Variants in GMDS observed in about 807,000 individuals in gnomAD.
GMDS encodes the protein GDP-mannose 4,6 dehydratase.
GMDS carries 20 observed loss-of-function variants against 49.9 expected under a neutral mutation model. That is an observed-to-expected ratio of 0.40 (90% confidence interval 0.28 to 0.58). The LOEUF (loss-of-function observed/expected upper bound fraction) is 0.58, where lower values mean the gene tolerates loss of function less well. GMDS is among the 20% of genes least tolerant of loss of function. The pLI, the probability that GMDS is intolerant of heterozygous loss-of-function variation, is 0.42. For missense variants in GMDS, 362 were observed against 481.4 expected (o/e 0.75, Z 2.32); for synonymous variants, 177 against 178.6 (o/e 0.99, Z 0.07).
chr6:1,899,250 T>G (rs2113855789), intron 7 of GMDS, among the ~76,000 whole-genome samples: 1 of 152,144 alleles, frequency 6.6e-6, no homozygotes, highest in Non-Finnish European at 1.5e-5. Flanking sequence ...CAATCTTACT[T>G]AGAATGTCAG....
chr6:2,241,591 T>C lies in GMDS; in HGVS notation c.102+3730A>G, dbSNP rs566184133. On this transcript the variant is annotated intron_variant, in intron 1 of 10. Coordinates refer to ENST00000380815, the MANE Select transcript of GMDS (RefSeq NM_001500.4). ...ATGCTTGGTGCCATCCTCACAGTAA[T>C]GAGTGACTCCTCACTCTATTAGCTC... Among the ~76,000 whole-genome samples the C allele has an allele frequency of 2.6e-4, 39 of 152,224 alleles. 1 individual carries two copies. In the East Asian group the frequency reaches 7.2e-3, roughly 28 times the overall value.
intron 1 of GMDS, among the ~76,000 whole-genome samples, chr6:2,162,818 T>A (rs1354107469): frequency 6.6e-6 from 1 of 151,994 alleles, no homozygotes; most frequent in East Asian, 1.9e-4. Context: ...CAGTGATGCA[T>A]ACTTCCCACC....
chr6:2,105,757 CA>C (rs1219769716), intron 4 of GMDS, among the ~76,000 whole-genome samples: 3 of 152,180 alleles, frequency 2.0e-5, no homozygotes, highest in Non-Finnish European at 4.4e-5. Context: ...AAAAGAAACT[CA>C]GGAACAGGTT....
At chr6:1,835,520 A>G (rs1295017953) in intron 7 of GMDS, among the ~76,000 whole-genome samples, 1 of 152,262 alleles carries the variant, frequency 6.6e-6, no homozygotes, top group African/African-American at 2.4e-5. Context: ...TCACTATAAA[A>G]TAATCTTTAA....
At chr6:2,203,820 C>G (rs150454387) in intron 1 of GMDS, among the ~76,000 whole-genome samples, 1 of 152,108 alleles carries the variant, frequency 6.6e-6, no homozygotes, top group Non-Finnish European at 1.5e-5. Flanking sequence ...GAAACATCAT[C>G]GCAATAGCAC....
At chr6:1,953,824 A>G (rs1433188012) in intron 6 of GMDS, among the ~76,000 whole-genome samples, 3 of 152,186 alleles carry the variant, frequency 2.0e-5, no homozygotes, top group African/African-American at 7.2e-5. Context: ...CTATTTTTAA[A>G]TAATTAAAAA....
rs1756944617 is a variant in GMDS, at chr6:1,836,696, T to C, written c.771+93407A>G. 6.6e-6 allele frequency among the ~76,000 whole-genome samples: 1 copy of C among 152,238 alleles called. No individual in the cohort carries two copies. Among genetic ancestry groups the C allele is most frequent in the South Asian group, 2.1e-4 (1 of 4,836 alleles). ...TTAACATGTGTTTCTTCACTGAATT[T>C]CGTATGGTTTCCCCTCTTCTTCTTA... is the stretch of plus-strand genomic sequence containing the variant. On this transcript the variant is annotated intron_variant, in intron 7 of 10. Transcript: ENST00000380815. The surrounding 1 kb of genome is among the most constrained non-coding windows in gnomAD (Gnocchi z 4.2).
At position 2,204,857 on chromosome 6, in the gene GMDS, T is replaced by C. The variant is rs115311751; in HGVS notation, c.102+40464A>G. On this transcript the variant is annotated intron_variant, in intron 1 of 10. Coordinates refer to ENST00000380815, the MANE Select transcript of GMDS (RefSeq NM_001500.4). ...TCCACAACTTGACCACAGCACTCTTTTTTAAGCCCATGCTTGTGTTAGGGG... is the reference window on the plus strand; with the variant it reads ...TCCACAACTTGACCACAGCACTCTTCTTTAAGCCCATGCTTGTGTTAGGGG... 7.6e-3 allele frequency among the ~76,000 whole-genome samples: 1,151 copies of C among 152,302 alleles called. 23 individuals are homozygous for C. Among genetic ancestry groups the C allele is most frequent in the African/African-American group, 0.026 (1,091 of 41,558 alleles).
At chr6:1,813,965 T>C (rs1439083145) in intron 7 of GMDS, among the ~76,000 whole-genome samples, 3 of 152,312 alleles carry the variant, frequency 2.0e-5, no homozygotes, top group East Asian at 3.9e-4. Context: ...TTCATGTGAG[T>C]AAATTTTGAA....
At chr6:2,002,772 A>T (rs1044818267) in intron 4 of GMDS, among the ~76,000 whole-genome samples, 2 of 152,210 alleles carry the variant, frequency 1.3e-5, no homozygotes, top group African/African-American at 4.8e-5. Flanking sequence ...AAATAAATTC[A>T]ACATCTACTG....
intron 7 of GMDS, among the ~76,000 whole-genome samples, chr6:1,891,890 C>T (rs1242493091): frequency 6.6e-6 from 1 of 152,182 alleles, no homozygotes; most frequent in Non-Finnish European, 1.5e-5. Context: ...AACACCTCTT[C>T]CACATGCTGA....
intron 1 of GMDS, among the ~76,000 whole-genome samples, chr6:2,206,011 C>T (rs1004894347): frequency 3.3e-5 from 5 of 152,132 alleles, no homozygotes; most frequent in African/African-American, 4.8e-5. Context: ...GTAATCTCAG[C>T]GCTTTGGGAG....
chr6:2,243,402 C>A (rs1781707457), intron 1 of GMDS, among the ~76,000 whole-genome samples: 1 of 152,084 alleles, frequency 6.6e-6, no homozygotes, highest in Non-Finnish European at 1.5e-5. Flanking sequence ...TGGTATAGGC[C>A]ACACCAACAC....
chr6:2,000,035 C>CT (rs1246135856), intron 4 of GMDS, among the ~76,000 whole-genome samples: 499 of 13,326 alleles, frequency 0.037, 117 homozygotes, highest in South Asian at 0.084. Flanking sequence ...ATATCTATAT[C>CT]TTTTTTTTTT....
intron 1 of GMDS, among the ~76,000 whole-genome samples, chr6:2,237,723 C>T (rs1260896970): frequency 2.0e-5 from 3 of 151,874 alleles, no homozygotes; most frequent in Non-Finnish European, 2.9e-5. Flanking sequence ...GGTTTCTCCA[C>T]GTTGGCCAGG....
intron 1 of GMDS, among the ~76,000 whole-genome samples, chr6:2,235,727 G>C (rs962428596): frequency 6.6e-6 from 1 of 151,752 alleles, no homozygotes; most frequent in South Asian, 2.1e-4. Flanking sequence ...CCAAAGGATC[G>C]CTTGAGCCCA....
intron 7 of GMDS, among the ~76,000 whole-genome samples, chr6:1,888,134 AT>A (rs56167840): frequency 0.025 from 3,520 of 140,458 alleles, 53 homozygotes; most frequent in African/African-American, 0.045. Flanking sequence ...TATTATTATT[AT>A]TTTTTTTTTT....
chr6:1,961,452 A>C lies in GMDS; in HGVS notation c.346-486T>G, dbSNP rs185275450. On this transcript the variant is annotated intron_variant, in intron 4 of 10. Coordinates refer to ENST00000380815, the MANE Select transcript of GMDS (RefSeq NM_001500.4). ...GTTTTATTTTCTATTCTAAAGGTACAATAATAAATTTGTAATCTATTACAC... is the reference window on the plus strand; with the variant it reads ...GTTTTATTTTCTATTCTAAAGGTACCATAATAAATTTGTAATCTATTACAC... Among the ~76,000 whole-genome samples the C allele has an allele frequency of 9.8e-5, 15 of 152,340 alleles. No individual in the cohort carries two copies. The East Asian group carries it at 2.3e-3, about 24-fold the overall frequency.
At chr6:2,175,797 T>C (rs1466643986) in intron 1 of GMDS, 2 of 591,200 alleles carry the variant, frequency 3.4e-6, no homozygotes, top group Non-Finnish European at 6.0e-6. Context: ...TAGCTAACAT[T>C]TATATAGCCC....
Sources: gnomAD v4.1 joint callset for allele counts (sites outside exome capture counted in the v4.1 genomes callset) on GRCh38, gnomAD v4.1.1 for gene constraint, Gnocchi (gnomAD v3.1) non-coding constraint, MANE v1.5 for transcripts, NCBI Gene and HGNC (gene_info 2026-07-23, HGNC 2026-07-21) for gene names.